NLGN1: variants seen among roughly 807,000 people sequenced by gnomAD.
NLGN1 encodes neuroligin-1.
In NLGN1, 12 loss-of-function variants were observed where a neutral mutation model predicts 65.5. The observed-to-expected ratio is 0.18, with a 90% CI of 0.12 to 0.30. NLGN1 has a LOEUF of 0.30. Ranked by LOEUF, NLGN1 falls within the 10% of genes least tolerant of loss-of-function variation. The pLI is 1.00. For missense variants in NLGN1, 750 were observed against 1,007.1 expected (o/e 0.74, Z 3.46); for synonymous variants, 350 against 359.5 (o/e 0.97, Z 0.30).
chr3:174,002,068 A>C lies in NLGN1; in HGVS notation c.646+194236A>C, dbSNP rs538986314. Among the ~76,000 whole-genome samples the C allele has an allele frequency of 3.8e-3, 576 of 152,080 alleles. 2 individuals are homozygous for C. Among genetic ancestry groups the C allele is most frequent in the Non-Finnish European group, 4.6e-3 (312 of 67,974 alleles). On this transcript the variant is annotated intron_variant, in intron 4 of 6. Transcript: ENST00000457714. ...CTAGACAGATTTAAAAAAAAAAAAAAAAACAAGATTAGGGCCCTACTCAAA... is the reference window on the plus strand; with the variant it reads ...CTAGACAGATTTAAAAAAAAAAAAACAAACAAGATTAGGGCCCTACTCAAA...
chr3:173,853,822 G>C (rs992871946), intron 4 of NLGN1, among the ~76,000 whole-genome samples: 1 of 151,774 alleles, frequency 6.6e-6, no homozygotes, highest in Non-Finnish European at 1.5e-5. Context: ...ATGATGAGAG[G>C]TTCTCATGGT....
At chr3:174,213,226 C>T (rs749839131) in intron 4 of NLGN1, among the ~76,000 whole-genome samples, 5 of 152,188 alleles carry the variant, frequency 3.3e-5, no homozygotes, top group South Asian at 4.1e-4. Context: ...TTGGAGCATA[C>T]GGTACCATTT....
At position 173,401,824 on chromosome 3, in the gene NLGN1, C is replaced by T. The variant is rs191314499; in HGVS notation, c.-390+3337C>T. On this transcript the variant is annotated intron_variant, in intron 1 of 6. Coordinates refer to ENST00000457714, the Ensembl canonical transcript of NLGN1. Reference sequence around the variant, plus strand: ...GAGTAAACACAAAATAAACATCCATCAAAGAGGGTCGATATAATTTTTCCA... The same window carrying T: ...GAGTAAACACAAAATAAACATCCATTAAAGAGGGTCGATATAATTTTTCCA... 3.4e-3 allele frequency among the ~76,000 whole-genome samples: 523 copies of T among 152,158 alleles called. 4 individuals are homozygous for T. Among genetic ancestry groups the T allele is most frequent in the African/African-American group, 0.012 (505 of 41,506 alleles).
chr3:173,925,164 T>C (rs181650708), intron 4 of NLGN1, among the ~76,000 whole-genome samples: 148 of 152,274 alleles, frequency 9.7e-4, no homozygotes, highest in Admixed American at 1.8e-3. Flanking sequence ...CCACTTAGTG[T>C]ACTAGAAATT....
chr3:173,445,456 A>G (rs1342457025), intron 2 of NLGN1, among the ~76,000 whole-genome samples: 6 of 152,186 alleles, frequency 3.9e-5, no homozygotes, highest in Non-Finnish European at 7.3e-5. Flanking sequence ...ACATGTTTCA[A>G]TTTACAGAAG....
At chr3:173,478,177 G>T (rs1307782289) in intron 2 of NLGN1, among the ~76,000 whole-genome samples, 2 of 152,156 alleles carry the variant, frequency 1.3e-5, no homozygotes, top group Non-Finnish European at 1.5e-5. Flanking sequence ...TGATAGACTG[G>T]ATAAAGAAAA....
intron 4 of NLGN1, among the ~76,000 whole-genome samples, chr3:174,162,545 A>G (rs1210752705): frequency 6.6e-6 from 1 of 151,930 alleles, no homozygotes; most frequent in Non-Finnish European, 1.5e-5. Context: ...ATTATGTACA[A>G]TTCTGTACTG....
At chr3:173,995,437 C>A (rs1200301462) in intron 4 of NLGN1, among the ~76,000 whole-genome samples, 2 of 152,072 alleles carry the variant, frequency 1.3e-5, no homozygotes, top group Non-Finnish European at 1.5e-5. Context: ...CTCTATGAAT[C>A]CTAATCCCAA....
At chr3:174,193,233 C>G (rs568192033) in intron 4 of NLGN1, among the ~76,000 whole-genome samples, 12 of 152,274 alleles carry the variant, frequency 7.9e-5, no homozygotes, top group African/African-American at 2.9e-4. Context: ...TCATTGCTTA[C>G]TATTGAGCAG....
intron 4 of NLGN1, among the ~76,000 whole-genome samples, chr3:173,899,650 A>G (rs1736968545): frequency 6.6e-6 from 1 of 152,082 alleles, no homozygotes; most frequent in African/African-American, 2.4e-5. Flanking sequence ...TCCATTAATA[A>G]AGTTTTATTG....
chr3:173,511,387 T>C (rs1488064336), intron 2 of NLGN1, among the ~76,000 whole-genome samples: 1 of 152,148 alleles, frequency 6.6e-6, no homozygotes, highest in Non-Finnish European at 1.5e-5. Flanking sequence ...GATACATCAT[T>C]ATCACCCAAA....
At chr3:173,428,660 T>G (rs917057024) in intron 1 of NLGN1, among the ~76,000 whole-genome samples, 1 of 152,114 alleles carries the variant, frequency 6.6e-6, no homozygotes, top group Non-Finnish European at 1.5e-5. Context: ...TTAGTCCTCA[T>G]ACTAAAGGTA....
chr3:173,946,693 T>G (rs2152319782), intron 4 of NLGN1, among the ~76,000 whole-genome samples: 1 of 152,298 alleles, frequency 6.6e-6, no homozygotes, highest in African/African-American at 2.4e-5. Flanking sequence ...ATCTTGTACT[T>G]CCGCTAGCAG....
rs183467790 is a variant in NLGN1 at position 173,527,490 on chromosome 3, C to T, written c.-320-76789C>T. Among the ~76,000 whole-genome samples the T allele has an allele frequency of 1.6e-3, 246 of 152,242 alleles. 1 individual carries two copies. Among genetic ancestry groups the T allele is most frequent in the Admixed American group, 0.014 (220 of 15,294 alleles). ...TCAGCTCACTGCAAGCTCCACCTCCCGGGTTCACACCATTCTCCTGCCTCA... is the reference window on the plus strand; with the variant it reads ...TCAGCTCACTGCAAGCTCCACCTCCTGGGTTCACACCATTCTCCTGCCTCA... On this transcript the variant is annotated intron_variant, in intron 2 of 6. Coordinates refer to ENST00000457714, the Ensembl canonical transcript of NLGN1.
chr3:173,740,724 C>T (rs374266615), intron 3 of NLGN1, among the ~76,000 whole-genome samples: 3 of 151,982 alleles, frequency 2.0e-5, no homozygotes, highest in Non-Finnish European at 4.4e-5. Context: ...TTTGCTCACA[C>T]CATAGTTTAT....
At chr3:173,679,742 G>A (rs2149779177) in intron 3 of NLGN1, among the ~76,000 whole-genome samples, 1 of 152,188 alleles carries the variant, frequency 6.6e-6, no homozygotes, top group African/African-American at 2.4e-5. Context: ...GAAGTAAGAT[G>A]CCAGGAACAT....
At chr3:173,966,571 C>A (rs1367704025) in intron 4 of NLGN1, among the ~76,000 whole-genome samples, 1 of 152,162 alleles carries the variant, frequency 6.6e-6, no homozygotes, top group Non-Finnish European at 1.5e-5. Context: ...CCCGGCTAGT[C>A]ACTGAAAGCA....
chr3:174,252,497 C>G (rs937417985), intron 4 of NLGN1, among the ~76,000 whole-genome samples: 1 of 151,964 alleles, frequency 6.6e-6, no homozygotes, highest in African/African-American at 2.4e-5. Flanking sequence ...AATCCACAAC[C>G]TATTTTTTTT....
intron 2 of NLGN1, among the ~76,000 whole-genome samples, chr3:173,483,878 C>T (rs545383040): frequency 1.3e-5 from 2 of 152,252 alleles, no homozygotes; most frequent in East Asian, 1.9e-4. Flanking sequence ...ATGAACAGAT[C>T]AAAGGGTATG....
Sources: gnomAD v4.1 joint callset for allele counts (sites outside exome capture counted in the v4.1 genomes callset) on GRCh38, gnomAD v4.1.1 for gene constraint, MANE v1.5 for transcripts, NCBI Gene and HGNC (gene_info 2026-07-23, HGNC 2026-07-21) for gene names.